The following GNG7 variants were observed in gnomAD, a reference collection of about 807,000 sequenced individuals.
GNG7 encodes the protein guanine nucleotide-binding protein G(I)/G(S)/G(O) subunit gamma-7.
Under a neutral mutation model 4.0 loss-of-function variants are expected in GNG7, and 1 was observed. The ratio of observed to expected loss-of-function variants is 0.25; its 90% confidence interval spans 0.09 to 1.18. The LOEUF (loss-of-function observed/expected upper bound fraction) is 1.18, where lower values mean the gene tolerates loss of function less well. Ranked by LOEUF, GNG7 falls within the 50% of genes most tolerant of loss-of-function variation. The pLI, the probability that GNG7 is intolerant of heterozygous loss-of-function variation, is 0.50. For missense variants in GNG7, 86 were observed against 91.9 expected, an observed-to-expected ratio of 0.94 and a Z score of 0.26; for synonymous variants, 34 against 36.9, an observed-to-expected ratio of 0.92 and a Z score of 0.29.
At chr19:2,621,971 G>A (rs1454667865) in intron 2 of GNG7, among the ~76,000 whole-genome samples, 1 of 152,144 alleles carries the variant, frequency 6.6e-6, no homozygotes, top group Non-Finnish European at 1.5e-5. Flanking sequence ...TGTTATGGCA[G>A]CCACAAGAGG....
chr19:2,585,176 G>GTAA (rs1980634580), intron 2 of GNG7, among the ~76,000 whole-genome samples: 2 of 152,058 alleles, frequency 1.3e-5, no homozygotes, highest in South Asian at 4.1e-4. Flanking sequence ...AAGATCTTTA[G>GTAA]GGTTAATGGG....
chr19:2,571,903 C>T (rs867030617), intron 2 of GNG7, among the ~76,000 whole-genome samples: 2 of 151,896 alleles, frequency 1.3e-5, no homozygotes, highest in African/African-American at 2.4e-5. Context: ...GCCAGTTGAC[C>T]GTTTTATATG....
chr19:2,556,802 C>T (rs933525224), intron 2 of GNG7, among the ~76,000 whole-genome samples: 6 of 152,156 alleles, frequency 3.9e-5, no homozygotes, highest in East Asian at 1.9e-4. Context: ...GATTGTTCTC[C>T]GGGGCGGGAG....
intron 4 of GNG7, among the ~76,000 whole-genome samples, chr19:2,519,532 C>A (rs1236319410): frequency 1.3e-5 from 2 of 151,534 alleles, no homozygotes; most frequent in African/African-American, 4.9e-5. Flanking sequence ...CTCAAGTGAT[C>A]CTCCTGCCTC....
intron 1 of GNG7, among the ~76,000 whole-genome samples, chr19:2,697,598 G>C (rs1913296998): frequency 6.6e-6 from 1 of 152,228 alleles, no homozygotes. Context: ...GTCAAGAAAT[G>C]TCAACGAGCG....
Position 2,568,604 on chromosome 19 carries a change from TACAC to T in GNG7, c.-77-13420_-77-13417del, listed in dbSNP as rs565844556. 3.2e-4 allele frequency among the ~76,000 whole-genome samples: 48 copies of T among 149,204 alleles called. 2 individuals carry two copies. In the East Asian group the frequency reaches 7.4e-3, roughly 23 times the overall value. On this transcript the variant is annotated intron_variant, in intron 2 of 4. Transcript: ENST00000382159. Reference sequence around the variant, plus strand: ...GCACAAATACACACATATATAGACATACACACATATATACACATACACACATATA... The same window carrying T: ...GCACAAATACACACATATATAGACATACATATATACACATACACACATATA...
intron 1 of GNG7, among the ~76,000 whole-genome samples, chr19:2,651,052 A>G (rs941349174): frequency 3.3e-5 from 5 of 152,122 alleles, no homozygotes; most frequent in African/African-American, 1.2e-4. Flanking sequence ...CACAGGCAAG[A>G]AACACTCCAG....
intron 2 of GNG7, among the ~76,000 whole-genome samples, chr19:2,560,420 A>AG (rs1352215595): frequency 2.5e-4 from 38 of 151,856 alleles, no homozygotes; most frequent in African/African-American, 6.8e-4. Flanking sequence ...CCCAAGCAGG[A>AG]CCCCTTACCT....
At chr19:2,663,868 T>C (rs1401698486) in intron 1 of GNG7, among the ~76,000 whole-genome samples, 1 of 152,218 alleles carries the variant, frequency 6.6e-6, no homozygotes, top group Non-Finnish European at 1.5e-5. Context: ...TTGATTATTC[T>C]CTGGGGTGGG....
chr19:2,576,473 G>A (rs1005526661), intron 2 of GNG7, among the ~76,000 whole-genome samples: 9 of 152,214 alleles, frequency 5.9e-5, no homozygotes, highest in African/African-American at 2.2e-4. Context: ...GCAGCTGGTG[G>A]CCACCCTCAC....
chr19:2,553,917 T>C (rs1382973066), intron 3 of GNG7, among the ~76,000 whole-genome samples: 2 of 139,990 alleles, frequency 1.4e-5, no homozygotes, highest in South Asian at 2.1e-4. Context: ...ATGTGCATAT[T>C]GCATGTAATA....
chr19:2,663,139 G>A (rs1983220726), intron 1 of GNG7, among the ~76,000 whole-genome samples: 1 of 152,148 alleles, frequency 6.6e-6, no homozygotes, highest in African/African-American at 2.4e-5. Context: ...ATCTGCAAAG[G>A]GAAGGAAGGG....
At position 2,649,854 on chromosome 19, in the gene GNG7, C is replaced by T. The variant is rs189445049; in HGVS notation, c.-134-3574G>A. 8.0e-3 allele frequency among the ~76,000 whole-genome samples: 1,224 copies of T among 152,230 alleles called. 14 individuals are homozygous for T. The highest frequency in any genetic ancestry group is 0.028 in the African/African-American group (1,148 of 41,502). On this transcript the variant is annotated intron_variant, in intron 1 of 4. Transcript: ENST00000382159. Reference sequence around the variant, plus strand: ...TCATCACCCTACAAAGAAGCCCCCTCGCCATCAGCCCCCGATCCCCAGCCC... The same window carrying T: ...TCATCACCCTACAAAGAAGCCCCCTTGCCATCAGCCCCCGATCCCCAGCCC...
chr19:2,697,896 C>T (rs1228056097), intron 1 of GNG7, among the ~76,000 whole-genome samples: 6 of 151,824 alleles, frequency 4.0e-5, no homozygotes, highest in East Asian at 1.9e-4. Flanking sequence ...CGCTTGAACC[C>T]GGGAGGCGGA....
intron 3 of GNG7, among the ~76,000 whole-genome samples, chr19:2,537,862 G>A (rs941956406): frequency 3.3e-5 from 5 of 152,160 alleles, no homozygotes; most frequent in African/African-American, 7.2e-5. Flanking sequence ...GATCACTTGC[G>A]GTCAGGAGTT....
intron 2 of GNG7, among the ~76,000 whole-genome samples, chr19:2,628,116 A>C (rs1476833189): frequency 6.6e-6 from 1 of 152,230 alleles, no homozygotes; most frequent in Non-Finnish European, 1.5e-5. Flanking sequence ...CAACACGGCA[A>C]GTGTATGAGT....
intron 3 of GNG7, among the ~76,000 whole-genome samples, chr19:2,540,090 G>T (rs1394213519): frequency 2.0e-5 from 2 of 99,670 alleles, no homozygotes; most frequent in Non-Finnish European, 3.7e-5. Context: ...CTCTCTCTCT[G>T]TTTCTTTCTC....
intron 2 of GNG7, among the ~76,000 whole-genome samples, chr19:2,561,611 C>T (rs1979742902): frequency 6.6e-6 from 1 of 151,932 alleles, no homozygotes; most frequent in South Asian, 2.1e-4. Context: ...GGCGCAGTGG[C>T]TCATTCCTGT....
chr19:2,512,801 G>A lies in GNG7; in HGVS notation c.*2221C>T. 1.5e-6 allele frequency: 1 copy of A among 660,634 alleles called. No individual in the cohort carries two copies. Among genetic ancestry groups the A allele is most frequent in the Non-Finnish European group, 1.9e-6 (1 of 532,944 alleles). The allele number at this position is 660,634 out of a possible 1,614,324, so 40.9% of individuals were successfully genotyped here. On this transcript the variant is annotated 3_prime_UTR_variant, in exon 5 of 5. Transcript: ENST00000382159. This position sits in a 1 kb window ranked among gnomAD's most constrained non-coding sequence, Gnocchi z 4.7. The stretch of plus-strand genomic sequence containing the variant: ...TTCCCAGTTACCAAGATGGCTTGTT[G>A]GAAAGGGTGGAGGCAGGCGGGCTCT...
Sources: allele counts gnomAD v4.1 joint callset (sites outside exome capture counted in the v4.1 genomes callset), GRCh38; gene constraint gnomAD v4.1.1; non-coding constraint Gnocchi (gnomAD v3.1); transcripts MANE v1.5; gene names NCBI Gene and HGNC (gene_info 2026-07-23, HGNC 2026-07-21).